PBX1: variants seen among roughly 807,000 people sequenced by gnomAD.
The protein encoded by PBX1 is PBX homeobox 1.
A neutral mutation model predicts 53.4 loss-of-function variants in PBX1; 6 were observed. The ratio of observed to expected loss-of-function variants is 0.11; its 90% confidence interval spans 0.06 to 0.22. The LOEUF (loss-of-function observed/expected upper bound fraction) is 0.22, where lower values mean the gene tolerates loss of function less well. Among genes scored for constraint, PBX1 ranks in the 10% least tolerant of loss-of-function variants. The probability of loss-of-function intolerance (pLI) is 1.00; values close to 1 mark genes in which losing one functional copy is unlikely to be tolerated. For missense variants in PBX1, 251 were observed against 551.4 expected (o/e 0.46, Z 5.46); for synonymous variants, 204 against 212.3 (o/e 0.96, Z 0.34).
intron 2 of PBX1, among the ~76,000 whole-genome samples, chr1:164,672,037 G>GT (rs35765268): frequency 0.04 from 5,662 of 142,142 alleles, 354 homozygotes; most frequent in African/African-American, 0.14. Flanking sequence ...TTTTCTTTCT[G>GT]TTTTTTTTTT....
chr1:164,746,092 A>G (rs1469288900), intron 2 of PBX1, among the ~76,000 whole-genome samples: 1 of 152,224 alleles, frequency 6.6e-6, no homozygotes, highest in African/African-American at 2.4e-5. Flanking sequence ...AAGTATTTCA[A>G]AATGAAGTGT....
intron 2 of PBX1, among the ~76,000 whole-genome samples, chr1:164,583,500 TG>T (rs1654761515): frequency 6.6e-6 from 1 of 152,160 alleles, no homozygotes; most frequent in Admixed American, 6.5e-5. Context: ...CAGCCTTAGC[TG>T]GGAGACACTG....
intron 2 of PBX1, among the ~76,000 whole-genome samples, chr1:164,780,699 T>C (rs992993100): frequency 2.0e-5 from 3 of 152,136 alleles, no homozygotes; most frequent in Non-Finnish European, 2.9e-5. Flanking sequence ...CCCGAAGACA[T>C]TAAGTCAGTA....
chr1:164,867,357 T>G (rs990372275), intron 2 of PBX1, among the ~76,000 whole-genome samples: 1 of 152,154 alleles, frequency 6.6e-6, no homozygotes, highest in African/African-American at 2.4e-5. Flanking sequence ...GGCTTCACAG[T>G]CAGGACAGGC....
intron 2 of PBX1, among the ~76,000 whole-genome samples, chr1:164,735,867 G>C (rs930686322): frequency 6.6e-6 from 1 of 152,160 alleles, no homozygotes; most frequent in Non-Finnish European, 1.5e-5. Flanking sequence ...ACAGGGAGGG[G>C]CTGGACAAAG....
Position 164,848,386 on chromosome 1 carries a change from T to A in PBX1, c.*1710T>A, listed in dbSNP as rs1334066436. ...GAGATGGGAACTGTTATGCCTGGCT[T>A]ACTAAGAGTCTTGTGAGAGACTGAG... On this transcript the variant is annotated 3_prime_UTR_variant, in exon 9 of 9. Transcript: ENST00000420696. 4 of 1,055,466 alleles carry A rather than the reference T, an allele frequency of 3.8e-6. No individual in the cohort carries two copies. Among genetic ancestry groups the A allele is most frequent in the Non-Finnish European group, 4.6e-6 (4 of 873,146 alleles). The allele number at this position is 1,055,466 out of a possible 1,614,324, so 65.4% of individuals were successfully genotyped here. A position where few individuals can be genotyped will look rare whatever the true frequency, so the allele number is the denominator to read the frequency against.
At chr1:164,728,864 A>G (rs1323319162) in intron 2 of PBX1, among the ~76,000 whole-genome samples, 1 of 152,202 alleles carries the variant, frequency 6.6e-6, no homozygotes, top group Non-Finnish European at 1.5e-5. Flanking sequence ...TTTTCTTCAT[A>G]GAGCTGTGTC....
At chr1:164,608,616 A>G (rs1398654256) in intron 2 of PBX1, among the ~76,000 whole-genome samples, 2 of 152,226 alleles carry the variant, frequency 1.3e-5, no homozygotes, top group Non-Finnish European at 2.9e-5. Flanking sequence ...TTTATTACTA[A>G]AAATTTGAGT....
Position 164,669,068 on chromosome 1 carries a change from C to T in PBX1, c.265+105757C>T, listed in dbSNP as rs115122427. Among the ~76,000 whole-genome samples, 205 of 151,910 alleles carry T rather than the reference C, an allele frequency of 1.3e-3. 1 individual carries two copies. The highest frequency in any genetic ancestry group is 4.8e-3 in the African/African-American group (197 of 41,206). On this transcript the variant is annotated intron_variant, in intron 2 of 8. Transcript: ENST00000420696. ...AGCAAAGGGAATATAAAGGGGGTAA[C>T]ATTTTCCTCTTACCTCCCCCATCAC...
At chr1:164,867,790 C>CT (rs1244937912) in intron 2 of PBX1, among the ~76,000 whole-genome samples, 8 of 152,236 alleles carry the variant, frequency 5.3e-5, no homozygotes, top group African/African-American at 1.9e-4. Context: ...AATCTCAGGC[C>CT]TGACCTTTCT....
intron 8 of PBX1, among the ~76,000 whole-genome samples, chr1:164,838,315 G>T (rs148262966): frequency 6.6e-6 from 1 of 152,146 alleles, no homozygotes; most frequent in Non-Finnish European, 1.5e-5. Context: ...AGGTGGTGCC[G>T]CCCATGGTCA....
At chr1:164,599,071 A>ATTTTTTTT (rs375145672) in intron 2 of PBX1, among the ~76,000 whole-genome samples, 1 of 118,852 alleles carries the variant, frequency 8.4e-6, no homozygotes, top group African/African-American at 3.2e-5. Flanking sequence ...TTTCCTCCTG[A>ATTTTTTTT]TTTTTTTTTT....
At chr1:164,815,756 C>G (rs1177885323) in intron 6 of PBX1, 1 of 152,130 alleles carries the variant, frequency 6.6e-6, no homozygotes, top group Non-Finnish European at 1.5e-5. Flanking sequence ...GAGGAAACTG[C>G]CCCCATGATT....
intron 2 of PBX1, chr1:164,703,392 T>C: frequency 7.0e-6 from 1 of 142,856 alleles, no homozygotes; most frequent in East Asian, 2.5e-4. Context: ...TTCAGGATGG[T>C]GCTGTAGCAT....
chr1:164,720,573 T>A (rs1664349824), intron 2 of PBX1, among the ~76,000 whole-genome samples: 1 of 152,244 alleles, frequency 6.6e-6, no homozygotes, highest in South Asian at 2.1e-4. Context: ...TGGAGGCTTC[T>A]GACTTCATTT....
chr1:164,688,279 G>T (rs1662245506), intron 2 of PBX1, among the ~76,000 whole-genome samples: 1 of 152,152 alleles, frequency 6.6e-6, no homozygotes, highest in East Asian at 1.9e-4. Flanking sequence ...ACATTCCTCA[G>T]TTCGGTAAAG....
At chr1:164,615,707 T>C (rs1023091654) in intron 2 of PBX1, among the ~76,000 whole-genome samples, 4 of 152,218 alleles carry the variant, frequency 2.6e-5, no homozygotes, top group Non-Finnish European at 4.4e-5. Flanking sequence ...GTTTTTGTTT[T>C]CTGGACAAGG....
chr1:164,702,943 A>C (rs562232212), intron 2 of PBX1: 1 of 152,266 alleles, frequency 6.6e-6, no homozygotes, highest in African/African-American at 2.4e-5. Flanking sequence ...TTATGGTGCC[A>C]GCTCCACTGA....
At chr1:164,794,950 A>G (rs773359315) in intron 3 of PBX1, among the ~76,000 whole-genome samples, 1 of 152,228 alleles carries the variant, frequency 6.6e-6, no homozygotes, top group Admixed American at 6.5e-5. Flanking sequence ...TCAGGTTGCC[A>G]GTAATATGGA....
Sources: gnomAD v4.1 joint callset for allele counts (sites outside exome capture counted in the v4.1 genomes callset) on GRCh38, gnomAD v4.1.1 for gene constraint, MANE v1.5 for transcripts, NCBI Gene and HGNC (gene_info 2026-07-23, HGNC 2026-07-21) for gene names.